Variants in RASGEF1C observed in about 807,000 individuals in gnomAD.
The protein encoded by RASGEF1C is ras-GEF domain-containing family member 1C.
A neutral mutation model predicts 58.1 loss-of-function variants in RASGEF1C; 27 were observed. The observed-to-expected ratio is 0.46, with a 90% confidence interval of 0.34 to 0.64. The LOEUF (loss-of-function observed/expected upper bound fraction) is 0.64, where lower values mean the gene tolerates loss of function less well. RASGEF1C is among the 30% of genes least tolerant of loss of function. The probability of loss-of-function intolerance (pLI) is 0.01; values close to 1 mark genes in which losing one functional copy is unlikely to be tolerated. For missense variants in RASGEF1C, 502 were observed against 605.1 expected (o/e 0.83, Z 1.79); for synonymous variants, 243 against 246.3 (o/e 0.99, Z 0.13).
intron 1 of RASGEF1C, among the ~76,000 whole-genome samples, chr5:180,196,467 C>T (rs906489972): frequency 2.6e-5 from 4 of 151,252 alleles, no homozygotes; most frequent in African/African-American, 9.7e-5. Flanking sequence ...CACCATTGCA[C>T]TCCAGCCTGG....
intron 1 of RASGEF1C, among the ~76,000 whole-genome samples, chr5:180,195,631 G>A (rs375085490): frequency 3.3e-5 from 5 of 152,024 alleles, no homozygotes; most frequent in East Asian, 1.9e-4. Flanking sequence ...GCGCGGTGGC[G>A]GGCGCCTGTA....
Position 180,137,848 on chromosome 5 carries a change from TC to T in RASGEF1C, c.177+27del. 6.2e-7 allele frequency: 1 copy of T among 1,607,332 alleles called. No individual in the cohort carries two copies. The highest frequency in any genetic ancestry group is 8.5e-7 in the Non-Finnish European group (1 of 1,177,430). On this transcript the variant is annotated intron_variant, in intron 2 of 13. Coordinates refer to ENST00000361132, the MANE Select transcript of RASGEF1C (RefSeq NM_175062.4). The surrounding 1 kb of genome is among the most constrained non-coding windows in gnomAD (Gnocchi z 4.1). ...CCGTGCGTGGTGGAGGAGAGCCCAC[TC>T]TCCTGCCCGCTGGGTGGATCACCCA...
At chr5:180,117,933 G>T (rs1196350474) in intron 10 of RASGEF1C, among the ~76,000 whole-genome samples, 1 of 150,104 alleles carries the variant, frequency 6.7e-6, no homozygotes, top group East Asian at 2.0e-4. Context: ...GGTGGAGGTT[G>T]CAGTGAGCCA....
At chr5:180,114,251 A>C (rs969302737) in intron 11 of RASGEF1C, among the ~76,000 whole-genome samples, 195 bp downstream of exon 11, 9 of 152,096 alleles carry the variant, frequency 5.9e-5, no homozygotes, top group African/African-American at 2.2e-4. Context: ...GATGGACATG[A>C]CCCTGAGCCT....
At chr5:180,126,211 T>C (rs1048530662) in intron 6 of RASGEF1C, among the ~76,000 whole-genome samples, 1 of 152,072 alleles carries the variant, frequency 6.6e-6, no homozygotes, top group Non-Finnish European at 1.5e-5. Flanking sequence ...ATCGAGACCA[T>C]CATGGCTTAC....
chr5:180,142,491 C>A (rs1766595895), intron 1 of RASGEF1C, among the ~76,000 whole-genome samples: 1 of 152,146 alleles, frequency 6.6e-6, no homozygotes, highest in Admixed American at 6.5e-5. Flanking sequence ...ATAAAGGGGA[C>A]AAGCTGTGGA....
chr5:180,138,072 G>A lies in RASGEF1C; in HGVS notation c.-6-14C>T, dbSNP rs779714031. The A allele has an allele frequency of 6.9e-6, 10 of 1,445,668 alleles. No individual in the cohort carries two copies. The highest frequency in any genetic ancestry group is 1.5e-5 in the African/African-American group (1 of 68,916). The allele number at this position is 1,445,668 out of a possible 1,614,324, so 89.6% of individuals were successfully genotyped here. A position where few individuals can be genotyped will look rare whatever the true frequency, so the allele number is the denominator to read the frequency against. On this transcript the variant is annotated splice_polypyrimidine_tract_variant and intron_variant, in intron 1 of 13. Transcript: ENST00000361132. ...TGGCATGTCTGCCTGCAATGGCAAG[G>A]AGCAGTGAGGACCTGAGTGGGGGCA...
At chr5:180,152,635 G>A (rs1415993856) in intron 1 of RASGEF1C, among the ~76,000 whole-genome samples, 1 of 150,196 alleles carries the variant, frequency 6.7e-6, no homozygotes, top group East Asian at 2.0e-4. Context: ...AATGGGTGCA[G>A]CACACCAACA....
intron 6 of RASGEF1C, among the ~76,000 whole-genome samples, chr5:180,124,359 GAC>G (rs1435193880): frequency 6.6e-6 from 1 of 152,094 alleles, no homozygotes; most frequent in African/African-American, 2.4e-5. Flanking sequence ...GAGAAACAAA[GAC>G]TACACAAGAA....
rs768278930 is a variant in RASGEF1C, at chr5:180,209,110, CCCGCCGCCGCCG to C, written c.-101_-90del. ...CTCGGCGCCGCGGACCGGGGCGCCGCCCGCCGCCGCCGCCGCCGCCGCCGCCGCCGCCGCCGC... is the reference window on the plus strand; with the variant it reads ...CTCGGCGCCGCGGACCGGGGCGCCGCCCGCCGCCGCCGCCGCCGCCGCCGC... On this transcript the variant is annotated 5_prime_UTR_variant, in exon 1 of 14. Transcript: ENST00000361132. 0.025 allele frequency: 3,568 copies of C among 144,678 alleles called. 118 individuals are homozygous for C. Among genetic ancestry groups the C allele is most frequent in the East Asian group, 0.069 (328 of 4,780 alleles). 9.0% of individuals were successfully genotyped at this position (144,678 alleles called of 1,614,324 possible).
intron 1 of RASGEF1C, among the ~76,000 whole-genome samples, chr5:180,161,287 C>T (rs1176833716): frequency 2.6e-5 from 4 of 152,230 alleles, no homozygotes; most frequent in Admixed American, 1.3e-4. Flanking sequence ...AGGAGAGGGA[C>T]TCCCTCCGCC....
intron 4 of RASGEF1C, among the ~76,000 whole-genome samples, chr5:180,132,969 G>GA (rs34307583): frequency 0.24 from 24,071 of 98,990 alleles, 3,000 homozygotes; most frequent in African/African-American, 0.34. Context: ...CTCCGTCTCA[G>GA]AAAAAAAAAA....
chr5:180,152,614 A>G (rs1418424734), intron 1 of RASGEF1C, among the ~76,000 whole-genome samples: 14 of 150,462 alleles, frequency 9.3e-5, no homozygotes, highest in African/African-American at 2.5e-4. Flanking sequence ...CCTAACGTTA[A>G]ATGACGAGTT....
chr5:180,193,059 G>A (rs934540382), intron 1 of RASGEF1C, among the ~76,000 whole-genome samples: 1 of 119,106 alleles, frequency 8.4e-6, no homozygotes, highest in African/African-American at 3.0e-5. Context: ...TTTTTTTGTT[G>A]TTGTTTTGTT....
At chr5:180,207,299 G>A (rs1041071504) in intron 1 of RASGEF1C, among the ~76,000 whole-genome samples, 2 of 152,232 alleles carry the variant, frequency 1.3e-5, no homozygotes, top group African/African-American at 2.4e-5. Context: ...CTCACTGCAG[G>A]AGAAAGGGAA....
intron 1 of RASGEF1C, among the ~76,000 whole-genome samples, chr5:180,167,227 G>A (rs1278302352): frequency 6.6e-6 from 1 of 152,064 alleles, no homozygotes; most frequent in Non-Finnish European, 1.5e-5. Flanking sequence ...TTTTGCTATT[G>A]TCCCCCAGAG....
chr5:180,131,675 C>T (rs1188301880), intron 4 of RASGEF1C, among the ~76,000 whole-genome samples: 6 of 152,346 alleles, frequency 3.9e-5, no homozygotes, highest in East Asian at 1.9e-4. Flanking sequence ...ATAAACACCG[C>T]CTTCACCTGC....
At chr5:180,140,127 A>G (rs1162854366) in intron 1 of RASGEF1C, among the ~76,000 whole-genome samples, 1 of 152,028 alleles carries the variant, frequency 6.6e-6, no homozygotes, top group Non-Finnish European at 1.5e-5. Flanking sequence ...GGGAGGTGGG[A>G]GCAGTGTTCA....
Position 180,191,502 on chromosome 5 carries a change from G to A in RASGEF1C, c.-7+17526C>T, listed in dbSNP as rs563087785. On this transcript the variant is annotated intron_variant, in intron 1 of 13. Coordinates refer to ENST00000361132, the MANE Select transcript of RASGEF1C (RefSeq NM_175062.4). ...CTCCCAAGTAGCTGGGACTACAGGC[G>A]CCCGCCACCACGGCCGGCTGATTTT... 3.3e-3 allele frequency among the ~76,000 whole-genome samples: 506 copies of A among 152,224 alleles called. 2 individuals carry two copies. Among genetic ancestry groups the A allele is most frequent in the Non-Finnish European group, 5.5e-3 (376 of 68,004 alleles).
Sources: gnomAD v4.1 joint callset for allele counts (sites outside exome capture counted in the v4.1 genomes callset) on GRCh38, gnomAD v4.1.1 for gene constraint, Gnocchi (gnomAD v3.1) non-coding constraint, MANE v1.5 for transcripts, NCBI Gene and HGNC (gene_info 2026-07-23, HGNC 2026-07-21) for gene names.